GRM8: variants seen among roughly 807,000 people sequenced by gnomAD.
The protein encoded by GRM8 is metabotropic glutamate receptor 8.
A neutral mutation model predicts 87.2 loss-of-function variants in GRM8; 47 were observed. The ratio of observed to expected loss-of-function variants is 0.54; its 90% CI spans 0.43 to 0.69. GRM8 has a LOEUF of 0.69. Among genes scored for constraint, GRM8 ranks in the 30% least tolerant of loss-of-function variants. The probability of loss-of-function intolerance (pLI) is 0.00; values close to 1 mark genes in which losing one functional copy is unlikely to be tolerated. For missense variants in GRM8, 1,019 were observed against 1,139.2 expected, an observed-to-expected ratio of 0.89 and a Z score of 1.52; for synonymous variants, 396 against 404.5, an observed-to-expected ratio of 0.98 and a Z score of 0.25.
At chr7:126,697,602 G>A (rs1480100089) in intron 7 of GRM8, among the ~76,000 whole-genome samples, 1 of 151,960 alleles carries the variant, frequency 6.6e-6, no homozygotes, top group Admixed American at 6.6e-5. Flanking sequence ...CCCATTGTGG[G>A]TCATTTTTTT....
At chr7:126,507,427 C>T (rs1214517435) in intron 9 of GRM8, among the ~76,000 whole-genome samples, 2 of 152,052 alleles carry the variant, frequency 1.3e-5, no homozygotes, top group African/African-American at 4.8e-5. Context: ...CAGTGTCTGG[C>T]ACTTAGTAAT....
intron 3 of GRM8, among the ~76,000 whole-genome samples, chr7:126,983,076 CT>C (rs1171567964): frequency 2.6e-5 from 4 of 152,172 alleles, no homozygotes; most frequent in Non-Finnish European, 4.4e-5. Context: ...CCTTCTTAGC[CT>C]GTTGACTTAA....
At chr7:127,196,922 A>AT (rs1253541250) in intron 2 of GRM8, among the ~76,000 whole-genome samples, 4 of 152,132 alleles carry the variant, frequency 2.6e-5, no homozygotes, top group Non-Finnish European at 2.9e-5. Flanking sequence ...GGGTCTCACT[A>AT]TGTTGCCCAG....
intron 3 of GRM8, among the ~76,000 whole-genome samples, chr7:126,915,045 G>A (rs1245808923): frequency 1.3e-5 from 2 of 152,200 alleles, no homozygotes; most frequent in Non-Finnish European, 2.9e-5. Context: ...GAGGTGGATC[G>A]GGTCTAGGTA....
intron 9 of GRM8, among the ~76,000 whole-genome samples, chr7:126,467,146 C>T (rs576760725): frequency 6.6e-6 from 1 of 151,532 alleles, no homozygotes; most frequent in Non-Finnish European, 1.5e-5. Flanking sequence ...CCTCTCCTAG[C>T]CCCCCACCCC....
At chr7:127,053,150 T>C (rs1819654851) in intron 3 of GRM8, among the ~76,000 whole-genome samples, 1 of 152,222 alleles carries the variant, frequency 6.6e-6, no homozygotes, top group Non-Finnish European at 1.5e-5. Context: ...GAGTGTGATA[T>C]GGTAGGAAAC....
chr7:127,071,340 G>C (rs1407752223), intron 3 of GRM8, among the ~76,000 whole-genome samples: 1 of 151,752 alleles, frequency 6.6e-6, no homozygotes, highest in Non-Finnish European at 1.5e-5. Context: ...TGATATCCTA[G>C]AGTATTCAGC....
chr7:127,223,293 C>A (rs1797055577), intron 2 of GRM8, among the ~76,000 whole-genome samples: 2 of 152,042 alleles, frequency 1.3e-5, no homozygotes, highest in African/African-American at 2.4e-5. Flanking sequence ...AACACCAATA[C>A]ACATAGACCA....
chr7:126,888,589 C>T (rs1388803255), intron 6 of GRM8, among the ~76,000 whole-genome samples: 1 of 152,020 alleles, frequency 6.6e-6, no homozygotes, highest in Non-Finnish European at 1.5e-5. Context: ...TCTTGAGCCC[C>T]TTTTCAGTTT....
At chr7:127,166,495 G>T (rs1177595856) in intron 2 of GRM8, among the ~76,000 whole-genome samples, 1 of 152,144 alleles carries the variant, frequency 6.6e-6, no homozygotes, top group East Asian at 1.9e-4. Context: ...CAGGTTTTCA[G>T]CTTGTTGCAG....
At chr7:126,663,913 G>A (rs1427288687) in intron 7 of GRM8, among the ~76,000 whole-genome samples, 3 of 152,056 alleles carry the variant, frequency 2.0e-5, no homozygotes, top group African/African-American at 4.8e-5. Context: ...CCACCAAAAG[G>A]CTCCTATTCT....
intron 2 of GRM8, among the ~76,000 whole-genome samples, chr7:127,228,155 A>C (rs977286318): frequency 6.6e-6 from 1 of 152,220 alleles, no homozygotes; most frequent in Non-Finnish European, 1.5e-5. Flanking sequence ...GAAAGCATGG[A>C]CTTTTGAGTC....
chr7:126,848,743 C>T (rs1796938365), intron 6 of GRM8, among the ~76,000 whole-genome samples: 1 of 152,082 alleles, frequency 6.6e-6, no homozygotes, highest in South Asian at 2.1e-4. Flanking sequence ...ATCACTTGAG[C>T]CCAGGAGGTC....
At chr7:126,593,451 T>TGATTCAACAAACTGATTCAA (rs1796879365) in intron 8 of GRM8, among the ~76,000 whole-genome samples, 1 of 151,962 alleles carries the variant, frequency 6.6e-6, no homozygotes, top group Admixed American at 6.6e-5. Context: ...AATCCATACA[T>TGATTCAACAAACTGATTCAA]TTACAGCAAA....
At chr7:127,167,798 T>C (rs888464984) in intron 2 of GRM8, among the ~76,000 whole-genome samples, 2 of 152,076 alleles carry the variant, frequency 1.3e-5, no homozygotes, top group African/African-American at 2.4e-5. Context: ...AAGATTAAAA[T>C]TAGGCCAATT....
intron 7 of GRM8, among the ~76,000 whole-genome samples, chr7:126,766,849 A>G (rs1050489509): frequency 2.0e-5 from 3 of 152,054 alleles, no homozygotes; most frequent in African/African-American, 7.2e-5. Flanking sequence ...AATCAACTCA[A>G]CTGGTTTCCA....
At chr7:126,877,471 G>C (rs922521534) in intron 6 of GRM8, among the ~76,000 whole-genome samples, 83 of 152,140 alleles carry the variant, frequency 5.5e-4, no homozygotes, top group African/African-American at 1.8e-3. Context: ...GCCACTAGTG[G>C]CTACCATATT....
intron 3 of GRM8, among the ~76,000 whole-genome samples, chr7:126,952,689 C>A (rs1484087669): frequency 6.6e-6 from 1 of 151,912 alleles, no homozygotes; most frequent in Non-Finnish European, 1.5e-5. Context: ...GGAATTCTTG[C>A]CAAAAACACA....
intron 2 of GRM8, among the ~76,000 whole-genome samples, chr7:127,225,119 G>A (rs1274110312): frequency 2.0e-5 from 3 of 152,222 alleles, no homozygotes; most frequent in Non-Finnish European, 4.4e-5. Context: ...CTGAAGAGGA[G>A]GAATGGAGGC....
Sources: gnomAD v4.1 joint callset for allele counts (sites outside exome capture counted in the v4.1 genomes callset) on GRCh38, gnomAD v4.1.1 for gene constraint, MANE v1.5 for transcripts, NCBI Gene and HGNC (gene_info 2026-07-23, HGNC 2026-07-21) for gene names.